The following MSH3 variants were observed in gnomAD, a reference collection of about 807,000 sequenced individuals.
The protein encoded by MSH3 is mutS homolog 3.
A neutral mutation model predicts 123.3 loss-of-function variants in MSH3; 106 were observed. The ratio of observed to expected loss-of-function variants is 0.86; its 90% CI spans 0.73 to 1.01. The LOEUF (loss-of-function observed/expected upper bound fraction) is 1.01, where lower values mean the gene tolerates loss of function less well. Ranked by LOEUF, MSH3 falls within the 50% of genes least tolerant of loss-of-function variation. The pLI, the probability that MSH3 is intolerant of heterozygous loss-of-function variation, is 0.00. For synonymous variants in MSH3, 515 were observed against 481.4 expected (o/e 1.07, Z -0.91); for missense variants, 1,459 against 1,347.6 (o/e 1.08, Z -1.29).
rs551605791 is a variant in MSH3, at chr5:80,779,070, C to T, written c.2435+234C>T. Among the ~76,000 whole-genome samples, 24 of 151,166 alleles carry T rather than the reference C, an allele frequency of 1.6e-4. No homozygotes were observed. In the South Asian group the frequency reaches 3.3e-3, roughly 21 times the overall value. On this transcript the variant is annotated intron_variant, in intron 17 of 23. Coordinates refer to ENST00000265081, the MANE Select transcript of MSH3 (RefSeq NM_002439.5). ...GCAGTGGCACGATCTCGGCTCACTGCATCCTCCACCTCTCAGGTTCAAGCA... is the reference window on the plus strand; with the variant it reads ...GCAGTGGCACGATCTCGGCTCACTGTATCCTCCACCTCTCAGGTTCAAGCA...
intron 8 of MSH3, among the ~76,000 whole-genome samples, chr5:80,686,572 A>G (rs77087212): frequency 6.6e-6 from 1 of 152,156 alleles, no homozygotes; most frequent in East Asian, 1.9e-4. Flanking sequence ...TCAGGCATGT[A>G]TATTTACAAT....
intron 8 of MSH3, among the ~76,000 whole-genome samples, chr5:80,681,755 T>A (rs1176825712): frequency 6.6e-6 from 1 of 152,098 alleles, no homozygotes; most frequent in Non-Finnish European, 1.5e-5. Flanking sequence ...AATGGCGAAA[T>A]TCAATAAAAT....
intron 19 of MSH3, among the ~76,000 whole-genome samples, chr5:80,809,838 T>A (rs1744974550): frequency 6.6e-6 from 1 of 152,168 alleles, no homozygotes; most frequent in South Asian, 2.1e-4. Flanking sequence ...ATTACATAAA[T>A]GTGTTTGTAA....
At chr5:80,759,237 A>G (rs1440859947) in intron 12 of MSH3, among the ~76,000 whole-genome samples, 1 of 152,190 alleles carries the variant, frequency 6.6e-6, no homozygotes, top group Admixed American at 6.5e-5. Context: ...TTCCCATTGA[A>G]GAAGAAATAC....
intron 10 of MSH3, among the ~76,000 whole-genome samples, chr5:80,733,598 T>A (rs1237096049): frequency 3.3e-5 from 5 of 150,592 alleles, no homozygotes; most frequent in Non-Finnish European, 7.4e-5. Flanking sequence ...GTATCTAGAA[T>A]ATATATATAT....
chr5:80,859,442 A>G (rs1213706837), intron 21 of MSH3, among the ~76,000 whole-genome samples: 8 of 152,058 alleles, frequency 5.3e-5, no homozygotes, highest in Non-Finnish European at 1.2e-4. Context: ...TATATTTTTA[A>G]TATGTAGTTA....
intron 19 of MSH3, among the ~76,000 whole-genome samples, chr5:80,796,448 A>T (rs979662029): frequency 6.6e-6 from 1 of 152,000 alleles, no homozygotes; most frequent in Admixed American, 6.6e-5. Flanking sequence ...GAGTTGATAT[A>T]GAACTGTTGC....
At chr5:80,828,671 G>A (rs988046369) in intron 20 of MSH3, among the ~76,000 whole-genome samples, 18 of 152,162 alleles carry the variant, frequency 1.2e-4, no homozygotes, top group Admixed American at 1.1e-3. Context: ...ATAAATGGTG[G>A]GACAGGTGTA....
intron 8 of MSH3, among the ~76,000 whole-genome samples, chr5:80,686,352 C>G (rs1621852): frequency 0.73 from 110,469 of 151,398 alleles, 40,469 homozygotes; most frequent in African/African-American, 0.82. Context: ...ACCCAGGGGG[C>G]AGTGCAGTGG....
chr5:80,694,896 A>AT (rs35665355), intron 8 of MSH3, among the ~76,000 whole-genome samples: 23,558 of 135,592 alleles, frequency 0.17, 2,145 homozygotes, highest in East Asian at 0.35. Flanking sequence ...GCTGTCAAGA[A>AT]TTTTTTTTTT....
At chr5:80,853,102 G>A (rs1745856165) in intron 20 of MSH3, among the ~76,000 whole-genome samples, 1 of 152,016 alleles carries the variant, frequency 6.6e-6, no homozygotes, top group South Asian at 2.1e-4. Context: ...CATTATTGCT[G>A]CAAGGTGCTC....
chr5:80,858,493 A>G (rs895396221), intron 21 of MSH3, among the ~76,000 whole-genome samples: 9 of 152,076 alleles, frequency 5.9e-5, no homozygotes, highest in African/African-American at 1.9e-4. Flanking sequence ...TGTGTTGTTT[A>G]GTCTCCATGT....
chr5:80,870,272 G>A (rs1746191542), intron 22 of MSH3, among the ~76,000 whole-genome samples: 2 of 151,954 alleles, frequency 1.3e-5, no homozygotes, highest in African/African-American at 4.8e-5. Flanking sequence ...CTGGATGGAT[G>A]GATAGATGGA....
intron 8 of MSH3, among the ~76,000 whole-genome samples, chr5:80,685,969 CT>C (rs1750078507): frequency 6.6e-6 from 1 of 152,028 alleles, no homozygotes; most frequent in African/African-American, 2.4e-5. Flanking sequence ...CAAAATTATT[CT>C]TGTTTTCGAT....
At chr5:80,685,577 G>A (rs1750069974) in intron 8 of MSH3, among the ~76,000 whole-genome samples, 1 of 151,796 alleles carries the variant, frequency 6.6e-6, no homozygotes, top group South Asian at 2.1e-4. Flanking sequence ...GTCTGGGAAA[G>A]TCTTACCAAT....
chr5:80,683,457 C>G (rs767522557), intron 8 of MSH3, among the ~76,000 whole-genome samples: 2 of 152,052 alleles, frequency 1.3e-5, no homozygotes, highest in Non-Finnish European at 2.9e-5. Context: ...CTGTAATGAA[C>G]GATGGTGTTG....
At chr5:80,665,027 T>C (rs1749535573) in intron 2 of MSH3, 116 bp from the exon 3 acceptor site, 1 of 732,458 alleles carries the variant, frequency 1.4e-6, no homozygotes, top group East Asian at 2.7e-5. Context: ...ACATTATAGT[T>C]AGATTCATTG....
At chr5:80,689,497 T>C (rs1026134078) in intron 8 of MSH3, among the ~76,000 whole-genome samples, 1 of 152,184 alleles carries the variant, frequency 6.6e-6, no homozygotes, top group Non-Finnish European at 1.5e-5. Flanking sequence ...TTTATTATAA[T>C]GTGACTTAAA....
At chr5:80,840,357 C>T (rs984050555) in intron 20 of MSH3, among the ~76,000 whole-genome samples, 4 of 152,080 alleles carry the variant, frequency 2.6e-5, no homozygotes, top group Non-Finnish European at 4.4e-5. Context: ...CATTTCTATC[C>T]AGCTTTTTTC....
Sources: gnomAD v4.1 joint callset for allele counts (sites outside exome capture counted in the v4.1 genomes callset) on GRCh38, gnomAD v4.1.1 for gene constraint, MANE v1.5 for transcripts, NCBI Gene and HGNC (gene_info 2026-07-23, HGNC 2026-07-21) for gene names.